The following ADAMTSL1 variants were observed in gnomAD, a reference collection of about 807,000 sequenced individuals.
ADAMTSL1 encodes ADAMTS-like protein 1.
In ADAMTSL1, 126 loss-of-function variants were observed where a neutral mutation model predicts 201.8. That is an observed-to-expected ratio of 0.62 (90% CI 0.54 to 0.72). The LOEUF (loss-of-function observed/expected upper bound fraction) is 0.72. ADAMTSL1 is among the 30% of genes least tolerant of loss of function. The pLI is 0.00. For missense variants in ADAMTSL1, 2,679 were observed against 2,277.8 expected (o/e 1.18, Z -3.59); for synonymous variants, 1,121 against 903.4 (o/e 1.24, Z -4.32).
chr9:18,558,693 G>A (rs947013370), intron 3 of ADAMTSL1, among the ~76,000 whole-genome samples: 1 of 151,960 alleles, frequency 6.6e-6, no homozygotes. Context: ...CTTTTTTAAT[G>A]TTCACCATTC....
rs193122580 is a variant in ADAMTSL1 at position 18,838,998 on chromosome 9, C to G, written c.4249+9021C>G. On this transcript the variant is annotated intron_variant, in intron 23 of 28. Transcript: ENST00000380548. ...ATCTTTCAGCATACATTTGGCCCAC[C>G]CCCTCTTTTTAGCAGCACACTCTCC... Among the ~76,000 whole-genome samples the G allele has an allele frequency of 4.5e-4, 68 of 149,768 alleles. 2 individuals carry two copies. In the East Asian group the frequency reaches 0.013, roughly 28 times the overall value.
At chr9:18,168,545 T>C (rs925272522) in intron 2 of ADAMTSL1, among the ~76,000 whole-genome samples, 1 of 151,758 alleles carries the variant, frequency 6.6e-6, no homozygotes, top group Admixed American at 6.6e-5. Flanking sequence ...TTTGGGTTGG[T>C]TCCAAGTCTT....
intron 1 of ADAMTSL1, among the ~76,000 whole-genome samples, chr9:17,920,959 G>A (rs908815325): frequency 8.5e-5 from 13 of 152,292 alleles, no homozygotes; most frequent in Middle Eastern, 3.4e-3. Context: ...CCTTGCTGTG[G>A]GTTATTTAAA....
At chr9:17,990,956 CAGTAACAA>C (rs1246661803) in intron 1 of ADAMTSL1, among the ~76,000 whole-genome samples, 2 of 152,036 alleles carry the variant, frequency 1.3e-5, no homozygotes, top group Non-Finnish European at 2.9e-5. Context: ...TATCGAATCT[CAGTAACAA>C]AGTAGATAAT....
intron 2 of ADAMTSL1, among the ~76,000 whole-genome samples, chr9:18,168,047 C>A (rs565427566): frequency 6.6e-6 from 1 of 151,910 alleles, no homozygotes; most frequent in African/African-American, 2.4e-5. Flanking sequence ...CGCAAATGTA[C>A]ACATGCTCTA....
intron 1 of ADAMTSL1, among the ~76,000 whole-genome samples, chr9:18,149,343 G>C (rs1362146870): frequency 6.6e-6 from 1 of 152,036 alleles, no homozygotes; most frequent in Non-Finnish European, 1.5e-5. Context: ...ATCCAATGTT[G>C]CTAAAGCATT....
chr9:18,732,573 G>A (rs766540753), intron 15 of ADAMTSL1, among the ~76,000 whole-genome samples: 21 of 152,180 alleles, frequency 1.4e-4, no homozygotes, highest in Admixed American at 7.9e-4. Context: ...GAAATGAGCC[G>A]CTGTGTCCCG....
chr9:18,547,976 A>G (rs1296212625), intron 3 of ADAMTSL1, among the ~76,000 whole-genome samples: 2 of 150,908 alleles, frequency 1.3e-5, no homozygotes, highest in Admixed American at 1.3e-4. Context: ...AAACATAGGA[A>G]AAAAATATAT....
At chr9:17,976,714 C>T (rs766520323) in intron 1 of ADAMTSL1, among the ~76,000 whole-genome samples, 37 of 150,702 alleles carry the variant, frequency 2.5e-4, no homozygotes, top group Non-Finnish European at 4.7e-4. Flanking sequence ...CTCTCTCTCC[C>T]TCCCTCCCCT....
intron 18 of ADAMTSL1, among the ~76,000 whole-genome samples, chr9:18,776,118 C>A (rs4295757): frequency 0.25 from 38,443 of 151,934 alleles, 5,358 homozygotes; most frequent in South Asian, 0.35. Context: ...AAACAGTTTG[C>A]AGGGGGGTAG....
intron 1 of ADAMTSL1, among the ~76,000 whole-genome samples, chr9:18,495,160 G>T (rs1475503289): frequency 6.6e-6 from 1 of 152,158 alleles, no homozygotes; most frequent in East Asian, 1.9e-4. Flanking sequence ...TAAATATTTT[G>T]TTGTTATCTC....
At chr9:17,914,780 C>T (rs1397704114) in intron 1 of ADAMTSL1, among the ~76,000 whole-genome samples, 1 of 151,958 alleles carries the variant, frequency 6.6e-6, no homozygotes, top group Non-Finnish European at 1.5e-5. Flanking sequence ...ACCACATTGT[C>T]TCAGCCCAAA....
chr9:18,684,018 C>T (rs1276906557), intron 12 of ADAMTSL1, among the ~76,000 whole-genome samples: 1 of 152,178 alleles, frequency 6.6e-6, no homozygotes, highest in African/African-American at 2.4e-5. Context: ...GCAGTTACTT[C>T]TGTAAGAGCC....
At chr9:17,915,550 A>G (rs371466576) in intron 1 of ADAMTSL1, among the ~76,000 whole-genome samples, 16 of 152,300 alleles carry the variant, frequency 1.1e-4, no homozygotes, top group African/African-American at 3.9e-4. Flanking sequence ...TTGTATGAAC[A>G]CGTTGTTTAA....
intron 2 of ADAMTSL1, among the ~76,000 whole-genome samples, chr9:18,384,940 C>A (rs1038699539): frequency 1.3e-5 from 2 of 151,950 alleles, no homozygotes; most frequent in African/African-American, 4.8e-5. Flanking sequence ...CCTCTGTGTA[C>A]AGCTTCTAAA....
chr9:18,197,587 A>T (rs1055087969), intron 2 of ADAMTSL1, among the ~76,000 whole-genome samples: 1 of 147,100 alleles, frequency 6.8e-6, no homozygotes, highest in Non-Finnish European at 1.5e-5. Flanking sequence ...GGGCTGAGAC[A>T]ATGCGGTTTT....
chr9:18,781,467 T>C (rs1821392122), intron 19 of ADAMTSL1, among the ~76,000 whole-genome samples: 1 of 152,228 alleles, frequency 6.6e-6, no homozygotes, highest in African/African-American at 2.4e-5. Context: ...GAAATACGGC[T>C]GGAGCTTAGT....
intron 2 of ADAMTSL1, among the ~76,000 whole-genome samples, chr9:18,403,615 T>C (rs1234810112): frequency 6.6e-6 from 1 of 152,158 alleles, no homozygotes; most frequent in African/African-American, 2.4e-5. Flanking sequence ...GCCTGGGTCA[T>C]AGATAAATAA....
chr9:18,764,287 T>C (rs10811028), intron 16 of ADAMTSL1, among the ~76,000 whole-genome samples: 30,752 of 152,176 alleles, frequency 0.2, 3,573 homozygotes, highest in East Asian at 0.45. Context: ...TTCTTTTTCA[T>C]GTTGTTCACT....
Sources: gnomAD v4.1 joint callset for allele counts (sites outside exome capture counted in the v4.1 genomes callset) on GRCh38, gnomAD v4.1.1 for gene constraint, MANE v1.5 for transcripts, NCBI Gene and HGNC (gene_info 2026-07-23, HGNC 2026-07-21) for gene names.